PDE7A: variants seen among roughly 807,000 people sequenced by gnomAD.
The protein encoded by PDE7A is high affinity 3',5'-cyclic-AMP phosphodiesterase 7A.
In PDE7A, 39 loss-of-function variants were observed where a neutral mutation model predicts 64.3. The observed-to-expected ratio is 0.61, with a 90% CI of 0.47 to 0.79. The LOEUF is 0.79. Among genes scored for constraint, PDE7A ranks in the 30% least tolerant of loss-of-function variants. The pLI is 0.00. For missense variants in PDE7A, 470 were observed against 582.8 expected (o/e 0.81, Z 1.99); for synonymous variants, 203 against 206.8 (o/e 0.98, Z 0.16).
intron 1 of PDE7A, among the ~76,000 whole-genome samples, chr8:65,824,995 G>A (rs1484581151): frequency 6.6e-6 from 1 of 151,778 alleles, no homozygotes; most frequent in African/African-American, 2.4e-5. Context: ...TAAATATATT[G>A]GAAATATAAA....
At chr8:65,765,446 G>A (rs1362703427) in intron 3 of PDE7A, 1 of 111,774 alleles carries the variant, frequency 8.9e-6, no homozygotes, top group African/African-American at 3.5e-5. Context: ...CCGAGATCCC[G>A]CCACTGCACT....
At chr8:65,770,904 T>G (rs941111636) in intron 3 of PDE7A, 1 of 175,544 alleles carries the variant, frequency 5.7e-6, no homozygotes, top group East Asian at 1.8e-4. Context: ...TGTGTTTCTG[T>G]GCTCAACTGA....
At chr8:65,810,674 A>G (rs75369269) in intron 1 of PDE7A, among the ~76,000 whole-genome samples, 8,675 of 152,264 alleles carry the variant, frequency 0.057, 355 homozygotes, top group Middle Eastern at 0.11. Flanking sequence ...ATATTAGAGC[A>G]AAGGTGAAAA....
At chr8:65,831,881 T>C (rs550539133) in intron 1 of PDE7A, among the ~76,000 whole-genome samples, 14 of 152,298 alleles carry the variant, frequency 9.2e-5, no homozygotes, top group African/African-American at 3.1e-4. Flanking sequence ...AAGAGATTCA[T>C]GTTAATACAA....
intron 1 of PDE7A, among the ~76,000 whole-genome samples, chr8:65,800,420 T>A (rs978914029): frequency 6.6e-6 from 1 of 152,238 alleles, no homozygotes; most frequent in Non-Finnish European, 1.5e-5. Flanking sequence ...CTTTTAAACT[T>A]AAACCAATGT....
At chr8:65,798,835 G>A (rs1163885483) in intron 1 of PDE7A, among the ~76,000 whole-genome samples, 2 of 152,092 alleles carry the variant, frequency 1.3e-5, no homozygotes, top group Non-Finnish European at 2.9e-5. Context: ...GTCAAAGCTG[G>A]TAACAACATA....
intron 2 of PDE7A, among the ~76,000 whole-genome samples, chr8:65,780,665 C>T (rs919874135): frequency 6.6e-6 from 1 of 152,152 alleles, no homozygotes; most frequent in Non-Finnish European, 1.5e-5. Flanking sequence ...AAATAGCATG[C>T]TCCATGCCAC....
chr8:65,802,224 G>A (rs1341432642), intron 1 of PDE7A, among the ~76,000 whole-genome samples: 1 of 152,092 alleles, frequency 6.6e-6, no homozygotes, highest in Non-Finnish European at 1.5e-5. Context: ...TTTCTGTTTG[G>A]GATGATGAAA....
Position 65,723,714 on chromosome 8 carries a change from G to A in PDE7A, c.1163-93C>T, listed in dbSNP as rs1380909101. The A allele has an allele frequency of 6.9e-6, 6 of 867,152 alleles. No homozygotes were observed. In the Admixed American group the frequency reaches 1.1e-4, roughly 16 times the overall value. The allele number at this position is 867,152 out of a possible 1,614,324, so 53.7% of individuals were successfully genotyped here. On this transcript the variant is annotated intron_variant, in intron 11 of 12. Coordinates refer to ENST00000401827, the MANE Select transcript of PDE7A (RefSeq NM_001242318.3). ...TTGAACATACCTGTGCATTTCTTAGGAAAAACATACTTAATCCTCATGAGA... is the reference window on the plus strand; with the variant it reads ...TTGAACATACCTGTGCATTTCTTAGAAAAAACATACTTAATCCTCATGAGA...
chr8:65,810,957 T>A (rs1810245813), intron 1 of PDE7A, among the ~76,000 whole-genome samples: 1 of 152,050 alleles, frequency 6.6e-6, no homozygotes, highest in Non-Finnish European at 1.5e-5. Context: ...TACAACCAAT[T>A]AGGTAGAAAA....
intron 1 of PDE7A, among the ~76,000 whole-genome samples, chr8:65,783,539 C>T (rs1202836774): frequency 6.6e-6 from 1 of 151,960 alleles, no homozygotes; most frequent in African/African-American, 2.4e-5. Context: ...ATCATCTCTT[C>T]AGAAAGGGAT....
chr8:65,822,850 AG>A (rs1810575192), intron 1 of PDE7A, among the ~76,000 whole-genome samples: 1 of 152,096 alleles, frequency 6.6e-6, no homozygotes, highest in African/African-American at 2.4e-5. Flanking sequence ...CCATTTTTGG[AG>A]GAGGTGGAAA....
chr8:65,808,114 A>G (rs77624463), intron 1 of PDE7A, among the ~76,000 whole-genome samples: 8,684 of 152,272 alleles, frequency 0.057, 355 homozygotes, highest in Middle Eastern at 0.11. Flanking sequence ...AACAGGATGT[A>G]CACTATTTAA....
intron 1 of PDE7A, among the ~76,000 whole-genome samples, chr8:65,827,580 T>C (rs1585951634): frequency 6.6e-6 from 1 of 152,230 alleles, no homozygotes; most frequent in East Asian, 1.9e-4. Flanking sequence ...TATACAGTCA[T>C]GTGCCAAATA....
intron 3 of PDE7A, among the ~76,000 whole-genome samples, chr8:65,755,349 T>G (rs1010271005): frequency 2.0e-5 from 3 of 152,120 alleles, no homozygotes; most frequent in Non-Finnish European, 4.4e-5. Context: ...ATTTAGGTTT[T>G]TGTTTTGTTT....
rs368801066 is a variant in PDE7A, at chr8:65,742,909, G to T, written c.499+2498C>A. ...TGTCCACAAATCCCATTCAAAGAGT[G>T]AGGTGATCAAAAGGAAAGCGAAGTG... On this transcript the variant is annotated intron_variant, in intron 5 of 12. Coordinates refer to ENST00000401827, the MANE Select transcript of PDE7A (RefSeq NM_001242318.3). Among the ~76,000 whole-genome samples, 34 of 152,336 alleles carry T rather than the reference G, an allele frequency of 2.2e-4. 1 individual carries two copies. In the East Asian group the frequency reaches 6.2e-3, roughly 28 times the overall value.
intron 8 of PDE7A, 77 bp from the exon 9 acceptor site, chr8:65,727,043 C>T: frequency 9.4e-6 from 9 of 953,658 alleles, no homozygotes; most frequent in Non-Finnish European, 1.5e-5. Context: ...ATACTGTTAG[C>T]AATATTAATC....
At chr8:65,806,150 GACTA>G (rs1239561168) in intron 1 of PDE7A, among the ~76,000 whole-genome samples, 3 of 152,302 alleles carry the variant, frequency 2.0e-5, no homozygotes, top group South Asian at 4.1e-4. Flanking sequence ...ATGACTGGTT[GACTA>G]ACTGTAAAAG....
At chr8:65,738,203 A>G (rs767172847) in intron 6 of PDE7A, among the ~76,000 whole-genome samples, 1 of 152,252 alleles carries the variant, frequency 6.6e-6, no homozygotes, top group Non-Finnish European at 1.5e-5. Context: ...TTGCTATAAA[A>G]TGCTAATCAT....
Sources: gnomAD v4.1 joint callset for allele counts (sites outside exome capture counted in the v4.1 genomes callset) on GRCh38, gnomAD v4.1.1 for gene constraint, MANE v1.5 for transcripts, NCBI Gene and HGNC (gene_info 2026-07-23, HGNC 2026-07-21) for gene names.